The following SH3TC1 variants were observed in gnomAD, a reference collection of about 807,000 sequenced individuals.
The protein encoded by SH3TC1 is SH3 domain and tetratricopeptide repeat-containing protein 1.
A neutral mutation model predicts 117.3 loss-of-function variants in SH3TC1; 135 were observed. The observed-to-expected ratio is 1.15, with a 90% CI of 1.00 to 1.33. The LOEUF is 1.33. Among genes scored for constraint, SH3TC1 ranks in the 40% most tolerant of loss-of-function variants. The pLI is 0.00. For synonymous variants in SH3TC1, 898 were observed against 816.9 expected, an observed-to-expected ratio of 1.10 and a Z score of -1.69; for missense variants, 2,092 against 1,794.3, an observed-to-expected ratio of 1.17 and a Z score of -3.00.
At position 8,240,901 on chromosome 4, in the gene SH3TC1, T is replaced by C. The variant is rs1275416665; in HGVS notation, c.3957T>C (p.Pro1319=). The change falls in exon 18 of 18, where the codon CCT becomes CCC. Residue 1319 remains proline, a synonymous_variant. Coordinates refer to ENST00000245105, the MANE Select transcript of SH3TC1 (RefSeq NM_018986.5). ...TCAACGTCCGCAGGGTCAACCTGCC[T>C]CCTCTGCCACTCTGCGGGTGGGCCC... ...TELNVRRVNL[P]PLPLCGWAPW... 6.2e-7 allele frequency: 1 copy of C among 1,612,974 alleles called. No homozygotes were observed. Among genetic ancestry groups the C allele is most frequent in the Non-Finnish European group, 8.5e-7 (1 of 1,180,010 alleles).
intron 1 of SH3TC1, among the ~76,000 whole-genome samples, chr4:8,182,953 G>A (rs1717118150): frequency 6.6e-6 from 1 of 152,210 alleles, no homozygotes; most frequent in Non-Finnish European, 1.5e-5. Context: ...GGACTTGGGA[G>A]TGGGTTTTGA....
Position 8,210,880 on chromosome 4 carries a change from C to A in SH3TC1, c.247+1058C>A, listed in dbSNP as rs567702414. On this transcript the variant is annotated intron_variant, in intron 3 of 17. Coordinates refer to ENST00000245105, the MANE Select transcript of SH3TC1 (RefSeq NM_018986.5). This position sits in a 1 kb window ranked among gnomAD's most constrained non-coding sequence, Gnocchi z 4.1. ...CTCCAGGTTGGCCCGGTTGGCCCTT[C>A]CCCCATAGGGGGTGAGGGTGTTTGC... Among the ~76,000 whole-genome samples the A allele has an allele frequency of 2.7e-4, 41 of 151,894 alleles. No individual in the cohort carries two copies. The highest frequency in any genetic ancestry group is 9.9e-4 in the African/African-American group (41 of 41,280).
In SH3TC1 at chr4:8,240,716, G is replaced by A. The variant is rs201469605; in HGVS notation, c.3772G>A (p.Gly1258Arg). Reference sequence around the variant, plus strand: ...CCTTCAGGACCCGTTTGATGCAGCCGGGTACTACCAGCTGGCGCTGGCAGC... The same window carrying A: ...CCTTCAGGACCCGTTTGATGCAGCCAGGTACTACCAGCTGGCGCTGGCAGC... The part of the protein sequence containing the change: ...YDLKDPFDAA[G>R]YYQLALAAAV... Residue 1258 changes from glycine to arginine, a missense_variant, in exon 18 of 18, where the codon GGG becomes AGG. Physicochemically the swap from Gly to Arg is moderately radical, Grantham distance 125. Coordinates refer to ENST00000245105, the MANE Select transcript of SH3TC1 (RefSeq NM_018986.5). The A allele has an allele frequency of 1.4e-4, 226 of 1,613,900 alleles. 1 individual carries two copies. The highest frequency in any genetic ancestry group is 1.4e-4 in the Non-Finnish European group (168 of 1,180,044).
chr4:8,220,388 G>C (rs7673585), intron 9 of SH3TC1, among the ~76,000 whole-genome samples: 54,331 of 108,996 alleles, frequency 0.5, 10,860 homozygotes, highest in East Asian at 0.64. Context: ...TGGCTCCTCT[G>C]GGGGGGGCAC....
intron 4 of SH3TC1, among the ~76,000 whole-genome samples, chr4:8,214,184 G>A (rs1381572684): frequency 6.6e-6 from 1 of 152,122 alleles, no homozygotes; most frequent in East Asian, 1.9e-4. Context: ...GTGTGTGGGG[G>A]ATAAGGCAGG....
At chr4:8,187,690 T>C (rs903099814) in intron 1 of SH3TC1, among the ~76,000 whole-genome samples, 1 of 152,046 alleles carries the variant, frequency 6.6e-6, no homozygotes, top group African/African-American at 2.4e-5. Context: ...TAGCTGGGAT[T>C]ACAGGCACGT....
At position 8,217,185 on chromosome 4, in the gene SH3TC1, C is replaced by A. The variant is rs769719256; in HGVS notation, c.839+18C>A. 2.5e-6 allele frequency: 4 copies of A among 1,584,476 alleles called. No homozygotes were observed. The highest frequency in any genetic ancestry group is 3.4e-6 in the Non-Finnish European group (4 of 1,165,320). On this transcript the variant is annotated intron_variant, in intron 7 of 17. Transcript: ENST00000245105. ...TTTCATCAGTAGGTACCGGCCTTTG[C>A]TGCTCTGAGAGCTGTTGGCCTCGCT...
At position 8,212,776 on chromosome 4, in the gene SH3TC1, G is replaced by C. The variant is rs1718869271; in HGVS notation, c.323G>C (p.Gly108Ala). The C allele has an allele frequency of 4.3e-6, 7 of 1,610,578 alleles. No homozygotes were observed. The East Asian group carries it at 1.1e-4, about 26-fold the overall frequency. The change falls in exon 4 of 18, where the codon GGC becomes GCC. Residue 108 changes from glycine (G) to alanine (A), a missense_variant. Gly to Ala is a moderately conservative substitution (Grantham distance 60). Coordinates refer to ENST00000245105, the MANE Select transcript of SH3TC1 (RefSeq NM_018986.5). ...CCCGGCCTACAGCAGACCCTCCGGG[G>C]CCAGCTCCGCCTGCTGGAGAATGAT... ...RDPGLQQTLR[G>A]QLRLLENDSR...
intron 10 of SH3TC1, among the ~76,000 whole-genome samples, chr4:8,223,974 A>C (rs534775851): frequency 6.6e-6 from 1 of 152,304 alleles, no homozygotes; most frequent in South Asian, 2.1e-4. Context: ...ACATGTACAA[A>C]CACAGACATA....
chr4:8,234,332 A>G (rs911645926), intron 14 of SH3TC1, among the ~76,000 whole-genome samples: 1 of 151,250 alleles, frequency 6.6e-6, no homozygotes, highest in African/African-American at 2.4e-5. Flanking sequence ...CCATCCCTCC[A>G]TTCGTCTGTC....
rs1717240156 is a variant in SH3TC1 at position 8,186,993 on chromosome 4, T to G, written c.-57+4783T>G. ...GCTCCTGTAGGCACATTGCTGTGCC[T>G]TTGCCCATTCTGGGACTCCTGCCCG... On this transcript the variant is annotated intron_variant, in intron 1 of 16. Transcript: ENST00000508641. The surrounding 1 kb of genome is among the most constrained non-coding windows in gnomAD (Gnocchi z 5.2). Among the ~76,000 whole-genome samples the G allele has an allele frequency of 6.6e-6, 1 of 150,466 alleles. No individual in the cohort carries two copies.
upstream of SH3TC1, among the ~76,000 whole-genome samples, chr4:8,195,058 C>A (rs950966268): frequency 6.6e-6 from 1 of 152,096 alleles, no homozygotes; most frequent in Non-Finnish European, 1.5e-5. Flanking sequence ...ATCAGTCCAG[C>A]GGGCATCAGG....
In SH3TC1 at chr4:8,183,141, C is replaced by T. The variant is rs1442442671; in HGVS notation, c.-57+931C>T. On this transcript the variant is annotated intron_variant, in intron 1 of 16. Transcript: ENST00000508641. This position sits in a 1 kb window ranked among gnomAD's most constrained non-coding sequence, Gnocchi z 5.4. Reference sequence around the variant, plus strand: ...CATGCCATCCGCCTGGCGACCTTGCCTCCCTCTCCCGCTGGGGCTATAGAA... The same window carrying T: ...CATGCCATCCGCCTGGCGACCTTGCTTCCCTCTCCCGCTGGGGCTATAGAA... Among the ~76,000 whole-genome samples the T allele has an allele frequency of 2.6e-5, 4 of 152,290 alleles. No homozygotes were observed. The highest frequency in any genetic ancestry group is 2.6e-4 in the Admixed American group (4 of 15,298).
intron 10 of SH3TC1, among the ~76,000 whole-genome samples, chr4:8,224,141 G>A (rs114648156): frequency 2.6e-5 from 4 of 152,130 alleles, no homozygotes; most frequent in East Asian, 1.9e-4. Flanking sequence ...TCCTCACAAG[G>A]TGTACACGCA....
intron 11 of SH3TC1, among the ~76,000 whole-genome samples, chr4:8,226,037 C>T (rs377242834): frequency 6.6e-6 from 1 of 152,072 alleles, no homozygotes; most frequent in South Asian, 2.1e-4. Flanking sequence ...TCACATTTGC[C>T]TCTAAATCAT....
chr4:8,226,848 C>T (rs1270309993), intron 11 of SH3TC1, 132 bp from the exon 12 acceptor site: 3 of 565,762 alleles, frequency 5.3e-6, no homozygotes, highest in African/African-American at 3.9e-5. Context: ...TCATGGCAAG[C>T]CGGTAGGGTG....
chr4:8,203,045 G>A (rs74661564), intron 1 of SH3TC1, among the ~76,000 whole-genome samples: 4,637 of 152,286 alleles, frequency 0.03, 109 homozygotes, highest in Non-Finnish European at 0.05. Context: ...ACACCCACTC[G>A]TCCCTGTCTG....
chr4:8,228,597 A>G lies in SH3TC1; in HGVS notation c.2903A>G (p.Tyr968Cys), dbSNP rs777922232. ...GGCCCGGCCCAGCAGGGCAAGGGCT[A>G]CTACGAGTGGGCCCTTCTGGTCGCC... ...RQGPAQQGKG[Y>C]YEWALLVAVE... The change falls in exon 12 of 18, where the codon TAC becomes TGC. Residue 968 changes from tyrosine to cysteine, a missense_variant. Transcript: ENST00000245105. 1.9e-6 allele frequency: 3 copies of G among 1,563,064 alleles called. No individual in the cohort carries two copies. Among genetic ancestry groups the G allele is most frequent in the Non-Finnish European group, 2.6e-6 (3 of 1,156,760 alleles).
In SH3TC1 at chr4:8,227,288, A is replaced by T. The variant is rs932631036; in HGVS notation, c.1594A>T (p.Ser532Cys). The T allele has an allele frequency of 2.5e-6, 4 of 1,608,192 alleles. No individual in the cohort carries two copies. The highest frequency in any genetic ancestry group is 2.5e-6 in the Non-Finnish European group (3 of 1,177,878). ...ALPWLSSVFR[S>C]FSDEEELTGR... ...GCCGTGGCTGAGCAGCGTGTTCCGC[A>T]GCTTCAGCGACGAGGAGGAGCTGAC... Residue 532 changes from serine to cysteine, a missense_variant, in exon 12 of 18, where the codon AGC becomes TGC. By Grantham distance (112) the Ser-to-Cys change is moderately radical (BLOSUM62 -1). Coordinates refer to ENST00000245105, the MANE Select transcript of SH3TC1 (RefSeq NM_018986.5).
Sources: allele counts gnomAD v4.1 joint callset (sites outside exome capture counted in the v4.1 genomes callset), GRCh38; gene constraint gnomAD v4.1.1; non-coding constraint Gnocchi (gnomAD v3.1); transcripts MANE v1.5; gene names NCBI Gene and HGNC (gene_info 2026-07-23, HGNC 2026-07-21).